The following CPAMD8 variants were observed in gnomAD, a reference collection of about 807,000 sequenced individuals.
The protein encoded by CPAMD8 is C3 and PZP-like alpha-2-macroglobulin domain-containing protein 8.
A neutral mutation model predicts 224.7 loss-of-function variants in CPAMD8; 146 were observed. The observed-to-expected ratio is 0.65, with a 90% CI of 0.57 to 0.75. The LOEUF is 0.75. Ranked by LOEUF, CPAMD8 falls within the 30% of genes least tolerant of loss-of-function variation. The pLI is 0.00. For missense variants in CPAMD8, 2,301 were observed against 2,537.5 expected (o/e 0.91, Z 2.00); for synonymous variants, 966 against 1,044.6 (o/e 0.92, Z 1.45).
Position 17,025,864 on chromosome 19 carries a change from C to T in CPAMD8, c.92+687G>A, listed in dbSNP as rs141405445. On this transcript the variant is annotated intron_variant, in intron 1 of 41. Transcript: ENST00000443236. Reference sequence around the variant, plus strand: ...AACTACTCACTGCAAATAACGACACCCACCTAGTCTCACTGCTTACCAGTT... The same window carrying T: ...AACTACTCACTGCAAATAACGACACTCACCTAGTCTCACTGCTTACCAGTT... Among the ~76,000 whole-genome samples, 275 of 152,218 alleles carry T rather than the reference C, an allele frequency of 1.8e-3. 3 individuals carry two copies. The highest frequency in any genetic ancestry group is 6.5e-3 in the African/African-American group (269 of 41,536).
chr19:16,905,659 C>G (rs576905519), intron 30 of CPAMD8, among the ~76,000 whole-genome samples: 2 of 151,708 alleles, frequency 1.3e-5, no homozygotes, highest in South Asian at 2.1e-4. Context: ...ACCAGCCCAC[C>G]ACCACCACCT....
chr19:16,978,913 C>T (rs1014815174), intron 14 of CPAMD8, among the ~76,000 whole-genome samples: 2 of 151,518 alleles, frequency 1.3e-5, no homozygotes, highest in African/African-American at 4.9e-5. Context: ...CTCTATTCAT[C>T]ATCCATCATC....
intron 23 of CPAMD8, 63 bp from the exon 24 acceptor site, chr19:16,929,303 T>A: frequency 1.4e-6 from 2 of 1,400,624 alleles, no homozygotes; most frequent in Admixed American, 1.8e-5. Context: ...CTTTCCCTGA[T>A]GGTACCTGGA....
intron 32 of CPAMD8, 139 bp downstream of exon 32, chr19:16,904,087 C>T (rs2052371515): frequency 2.8e-6 from 3 of 1,062,604 alleles, no homozygotes; most frequent in Non-Finnish European, 4.0e-6. Flanking sequence ...TGTCCCTCAC[C>T]CCCAACCCCT....
At chr19:16,978,868 A>G (rs533416327) in intron 14 of CPAMD8, among the ~76,000 whole-genome samples, 55 of 151,132 alleles carry the variant, frequency 3.6e-4, no homozygotes, top group African/African-American at 1.2e-3. Flanking sequence ...TTCATCAACC[A>G]TCCATCATCC....
At chr19:16,913,346 G>T (rs62129662) in intron 29 of CPAMD8, among the ~76,000 whole-genome samples, 8,871 of 152,126 alleles carry the variant, frequency 0.058, 355 homozygotes, top group Non-Finnish European at 0.088. Context: ...ATTAGGTTTA[G>T]ACTGAGGTCA....
rs1237508341 is a variant in CPAMD8 at position 16,963,493 on chromosome 19, CT to C, written c.2214-5579del. Among the ~76,000 whole-genome samples, 4 of 152,212 alleles carry C rather than the reference CT, an allele frequency of 2.6e-5. No individual in the cohort carries two copies. The South Asian group carries it at 8.3e-4, about 32-fold the overall frequency. The stretch of plus-strand genomic sequence containing the variant: ...GAATCAATTCAACAAGAAGAGCTAA[CT>C]ATCCTAAATGTATATGCATGCAATA... On this transcript the variant is annotated intron_variant, in intron 18 of 41. Transcript: ENST00000443236.
chr19:16,997,695 G>T (rs2056178159), intron 10 of CPAMD8, among the ~76,000 whole-genome samples: 1 of 150,958 alleles, frequency 6.6e-6, no homozygotes, highest in Non-Finnish European at 1.5e-5. Flanking sequence ...TAGTAAAAAT[G>T]TAAAAAAATA....
intron 12 of CPAMD8, among the ~76,000 whole-genome samples, chr19:16,992,757 A>G (rs2122927569): frequency 6.6e-6 from 1 of 152,156 alleles, no homozygotes; most frequent in East Asian, 1.9e-4. Flanking sequence ...CAGCCTCTAC[A>G]GAAAAATTTA....
chr19:16,896,440 G>T lies in CPAMD8; in HGVS notation c.5275+16C>A. On this transcript the variant is annotated intron_variant, in intron 40 of 41. Transcript: ENST00000443236. ...CGATGGTGTCCCCGAGGCTAGGCGGGGGGTAGGGTCCTCACCGAGGGCGCA... is the reference window on the plus strand; with the variant it reads ...CGATGGTGTCCCCGAGGCTAGGCGGTGGGTAGGGTCCTCACCGAGGGCGCA... 6.8e-7 allele frequency: 1 copy of T among 1,463,576 alleles called. No individual in the cohort carries two copies. The highest frequency in any genetic ancestry group is 9.0e-7 in the Non-Finnish European group (1 of 1,110,708). The allele number at this position is 1,463,576 out of a possible 1,614,324, so 90.7% of individuals were successfully genotyped here.
intron 13 of CPAMD8, among the ~76,000 whole-genome samples, chr19:16,984,405 A>G (rs1018147791): frequency 3.3e-5 from 5 of 152,024 alleles, no homozygotes; most frequent in African/African-American, 1.2e-4. Context: ...CTCAAAACAG[A>G]TGAAAGACCT....
rs532991550 is a variant in CPAMD8, at chr19:16,976,247, G to A, written c.1759-96C>T. ...TCCCAACACTTTGGGAGGCCGAGGC[G>A]GGTGGATCACCTGAGGTCAAGAGTT... On this transcript the variant is annotated intron_variant, in intron 15 of 41. Coordinates refer to ENST00000443236, the MANE Select transcript of CPAMD8 (RefSeq NM_015692.5). 1.7e-3 allele frequency: 1,666 copies of A among 984,694 alleles called. 4 individuals are homozygous for A. The highest frequency in any genetic ancestry group is 2.3e-3 in the Admixed American group (87 of 38,592). 61.0% of individuals were successfully genotyped at this position (984,694 alleles called of 1,614,324 possible).
intron 29 of CPAMD8, among the ~76,000 whole-genome samples, chr19:16,908,117 G>T (rs2052593412): frequency 1.3e-5 from 2 of 152,114 alleles, no homozygotes; most frequent in Admixed American, 1.3e-4. Context: ...CCAGCACTTT[G>T]GGAGGCCGAG....
intron 14 of CPAMD8, 25 bp downstream of exon 14, chr19:16,980,472 A>C: frequency 6.2e-7 from 1 of 1,604,824 alleles, no homozygotes; most frequent in South Asian, 1.1e-5. Context: ...AAGAACAGGA[A>C]CCTTCTCCCT....
At chr19:16,936,936 A>T (rs1213021631) in intron 23 of CPAMD8, among the ~76,000 whole-genome samples, 1 of 151,942 alleles carries the variant, frequency 6.6e-6, no homozygotes, top group Non-Finnish European at 1.5e-5. Flanking sequence ...AAGTCTAAAA[A>T]CTATATGCTT....
rs1221420047 is a variant in CPAMD8 at position 16,946,366 on chromosome 19, T to TGTG, written c.2663-690_2663-688dup. ...ATGTATGTCTACACGTGGGGGTGTGTGTGTGTGGATTTGTGTGTGTGTATA... is the reference window on the plus strand; with the variant it reads ...ATGTATGTCTACACGTGGGGGTGTGTGTGGTGTGTGGATTTGTGTGTGTGTATA... On this transcript the variant is annotated intron_variant, in intron 21 of 41. Transcript: ENST00000443236. Among the ~76,000 whole-genome samples the TGTG allele has an allele frequency of 7.3e-5, 11 of 151,062 alleles. 1 individual carries two copies. In the East Asian group the frequency reaches 2.2e-3, roughly 30 times the overall value.
intron 12 of CPAMD8, among the ~76,000 whole-genome samples, 176 bp from the exon 13 acceptor site, chr19:16,989,947 C>T (rs1412844070): frequency 2.0e-5 from 3 of 152,142 alleles, no homozygotes; most frequent in African/African-American, 4.8e-5. Flanking sequence ...CCCATTCTTC[C>T]TAGCATCAAG....
rs760757461 is a variant in CPAMD8 at position 16,976,720 on chromosome 19, C to T, written c.1759-569G>A. 2.6e-5 allele frequency among the ~76,000 whole-genome samples: 4 copies of T among 151,816 alleles called. No homozygotes were observed. In the South Asian group the frequency reaches 8.3e-4, roughly 31 times the overall value. On this transcript the variant is annotated intron_variant, in intron 15 of 41. Coordinates refer to ENST00000443236, the MANE Select transcript of CPAMD8 (RefSeq NM_015692.5). ...GCAGAGATGGGAAGGCAGGTGCTGG[C>T]GGAGAGCCTGTGGCAGTTTGTTTAC...
chr19:17,021,890 T>TA, intron 2 of CPAMD8, 140 bp downstream of exon 2: 1 of 348,168 alleles, frequency 2.9e-6, no homozygotes, highest in Non-Finnish European at 5.7e-6. Flanking sequence ...CTGTCTTCCC[T>TA]CCCTCCCTCC....
Sources: gnomAD v4.1 joint callset for allele counts (sites outside exome capture counted in the v4.1 genomes callset) on GRCh38, gnomAD v4.1.1 for gene constraint, MANE v1.5 for transcripts, NCBI Gene and HGNC (gene_info 2026-07-23, HGNC 2026-07-21) for gene names.